PRKG1: variants seen among roughly 807,000 people sequenced by gnomAD.
The protein encoded by PRKG1 is cGMP-dependent protein kinase 1.
PRKG1 carries 35 observed loss-of-function variants against 88.1 expected under a neutral mutation model. That is an observed-to-expected ratio of 0.40 (90% CI 0.30 to 0.53). The LOEUF (loss-of-function observed/expected upper bound fraction) is 0.53, where lower values mean the gene tolerates loss of function less well. Ranked by LOEUF, PRKG1 falls within the 20% of genes least tolerant of loss-of-function variation. The pLI is 0.59. For synonymous variants in PRKG1, 303 were observed against 292.5 expected (o/e 1.04, Z -0.37); for missense variants, 540 against 839.8 (o/e 0.64, Z 4.41).
At chr10:51,684,461 G>A (rs1430804407) in intron 3 of PRKG1, among the ~76,000 whole-genome samples, 2 of 151,928 alleles carry the variant, frequency 1.3e-5, no homozygotes, top group Non-Finnish European at 2.9e-5. Flanking sequence ...TTAAATAGGT[G>A]GATCTTATGG....
At chr10:51,914,024 C>T (rs1456971238) in intron 5 of PRKG1, among the ~76,000 whole-genome samples, 1 of 152,084 alleles carries the variant, frequency 6.6e-6, no homozygotes, top group African/African-American at 2.4e-5. Flanking sequence ...AATTATAAAA[C>T]AGGATCCAAT....
At chr10:51,315,118 C>G (rs112267035) in intron 2 of PRKG1, among the ~76,000 whole-genome samples, 18 of 152,236 alleles carry the variant, frequency 1.2e-4, no homozygotes, top group Non-Finnish European at 2.9e-5. Flanking sequence ...AACATTCTGA[C>G]AAGTTATTTC....
chr10:51,650,520 A>G (rs1051768519), intron 3 of PRKG1, among the ~76,000 whole-genome samples: 6 of 152,196 alleles, frequency 3.9e-5, no homozygotes, highest in Admixed American at 6.5e-5. Context: ...GTATTAAAGA[A>G]TTCAGTGTTG....
chr10:51,502,201 G>A (rs1044739473), intron 3 of PRKG1, among the ~76,000 whole-genome samples: 2 of 152,060 alleles, frequency 1.3e-5, no homozygotes, highest in African/African-American at 2.4e-5. Context: ...GCCATATTCC[G>A]AGGGATAACA....
chr10:51,769,754 G>A (rs1211044291), intron 3 of PRKG1, among the ~76,000 whole-genome samples: 10 of 152,126 alleles, frequency 6.6e-5, no homozygotes, highest in Non-Finnish European at 1.5e-4. Context: ...TTTATCAGGT[G>A]TGTCCAATCT....
intron 2 of PRKG1, among the ~76,000 whole-genome samples, chr10:51,182,791 A>G (rs1837381577): frequency 1.3e-5 from 2 of 152,222 alleles, no homozygotes; most frequent in Admixed American, 6.5e-5. Flanking sequence ...TTTAAAGTCC[A>G]GGGGACACCA....
intron 5 of PRKG1, among the ~76,000 whole-genome samples, chr10:51,950,221 T>C (rs1278006381): frequency 4.6e-5 from 7 of 152,218 alleles, no homozygotes; most frequent in African/African-American, 1.7e-4. Flanking sequence ...GCTCCAAATA[T>C]ACATCTATCT....
intron 2 of PRKG1, among the ~76,000 whole-genome samples, chr10:51,355,709 A>G (rs991307094): frequency 6.6e-6 from 1 of 151,972 alleles, no homozygotes; most frequent in Admixed American, 6.6e-5. Context: ...TTGGAAAAAT[A>G]AAGTGGGGTC....
At chr10:51,808,969 A>G (rs2132619580) in intron 4 of PRKG1, among the ~76,000 whole-genome samples, 1 of 152,306 alleles carries the variant, frequency 6.6e-6, no homozygotes, top group South Asian at 2.1e-4. Flanking sequence ...ATAATTTCTT[A>G]TCTTATGGTG....
At position 51,058,954 on chromosome 10, in the gene PRKG1, C is replaced by T. The variant is rs187234665; in HGVS notation, c.266+67310C>T. ...GTCACATTTGTTGTATATGAAGTAG[C>T]TTATGTATGTAGGTTTATTTCGGAG... On this transcript the variant is annotated intron_variant, in intron 1 of 17. Transcript: ENST00000401604. 1.2e-3 allele frequency among the ~76,000 whole-genome samples: 178 copies of T among 152,224 alleles called. 1 individual carries two copies. The Middle Eastern group carries it at 0.014, about 12-fold the overall frequency.
At position 51,540,018 on chromosome 10, in the gene PRKG1, G is replaced by A. The variant is rs376101006; in HGVS notation, c.592+72182G>A. 3.7e-4 allele frequency among the ~76,000 whole-genome samples: 56 copies of A among 152,290 alleles called. 1 individual carries two copies. The highest frequency in any genetic ancestry group is 1.1e-3 in the African/African-American group (45 of 41,574). ...AAATATGTTTCTTATTAGCTCAAGAGATAAGTGTGTGTCTTCTCAGTTACC... is the reference window on the plus strand; with the variant it reads ...AAATATGTTTCTTATTAGCTCAAGAAATAAGTGTGTGTCTTCTCAGTTACC... On this transcript the variant is annotated intron_variant, in intron 3 of 17. Coordinates refer to ENST00000373980, the MANE Select transcript of PRKG1 (RefSeq NM_006258.4).
intron 3 of PRKG1, among the ~76,000 whole-genome samples, chr10:51,708,232 T>C (rs538001228): frequency 1.3e-5 from 2 of 152,306 alleles, no homozygotes; most frequent in South Asian, 4.1e-4. Flanking sequence ...TCACCTGCTG[T>C]GTGCATGCAC....
intron 3 of PRKG1, among the ~76,000 whole-genome samples, chr10:51,743,721 TATATAATATAAACTAA>T (rs1318287273): frequency 0.062 from 3,983 of 64,164 alleles, 186 homozygotes; most frequent in South Asian, 0.081. Flanking sequence ...AATATATATA[TATATAATATAAACTAA>T]ATATATATAT....
At chr10:51,937,570 T>C (rs1487522123) in intron 5 of PRKG1, among the ~76,000 whole-genome samples, 1 of 152,110 alleles carries the variant, frequency 6.6e-6, no homozygotes, top group Non-Finnish European at 1.5e-5. Context: ...CCATCTGTAT[T>C]CAAAGATTCT....
chr10:51,594,115 C>T (rs1160705569), intron 3 of PRKG1, among the ~76,000 whole-genome samples: 2 of 152,084 alleles, frequency 1.3e-5, no homozygotes, highest in African/African-American at 2.4e-5. Context: ...GTCTCAAACT[C>T]CTGGGCTCAA....
chr10:52,193,575 A>AAACCAAAAAAAAAAAAC (rs375607984), intron 9 of PRKG1, among the ~76,000 whole-genome samples: 2 of 140,950 alleles, frequency 1.4e-5, no homozygotes, highest in East Asian at 2.0e-4. Flanking sequence ...AAAAAAAAAA[A>AAACCAAAAAAAAAAAAC]CAAAAAAAAA....
intron 1 of PRKG1, among the ~76,000 whole-genome samples, chr10:51,006,231 G>A (rs527797081): frequency 3.3e-5 from 5 of 152,244 alleles, no homozygotes; most frequent in Non-Finnish European, 7.4e-5. Flanking sequence ...GCTAATATGT[G>A]GGAAGACATA....
chr10:51,532,399 G>A (rs1842040641), intron 3 of PRKG1, among the ~76,000 whole-genome samples: 1 of 152,170 alleles, frequency 6.6e-6, no homozygotes. Flanking sequence ...TGACTTCCCT[G>A]AAGTATGGGA....
chr10:51,508,987 G>T (rs1841312335), intron 3 of PRKG1, among the ~76,000 whole-genome samples: 1 of 152,096 alleles, frequency 6.6e-6, no homozygotes. Context: ...GATTTCAAAT[G>T]ACTTTCTAGA....
Sources: gnomAD v4.1 joint callset for allele counts (sites outside exome capture counted in the v4.1 genomes callset) on GRCh38, gnomAD v4.1.1 for gene constraint, MANE v1.5 for transcripts, NCBI Gene and HGNC (gene_info 2026-07-23, HGNC 2026-07-21) for gene names.